The following LRRTM4 variants were observed in gnomAD, a reference collection of about 807,000 sequenced individuals.
LRRTM4 encodes leucine-rich repeat transmembrane neuronal protein 4.
LRRTM4 carries 25 observed loss-of-function variants against 47.6 expected under a neutral mutation model. The observed-to-expected ratio is 0.53, with a 90% CI of 0.38 to 0.73. LRRTM4 has a LOEUF of 0.73. LRRTM4 is among the 30% of genes least tolerant of loss of function. The probability of loss-of-function intolerance (pLI) is 0.00; values close to 1 mark genes in which losing one functional copy is unlikely to be tolerated. For synonymous variants in LRRTM4, 311 were observed against 269.5 expected, an observed-to-expected ratio of 1.15 and a Z score of -1.51; for missense variants, 638 against 713.4, an observed-to-expected ratio of 0.89 and a Z score of 1.20.
intron 3 of LRRTM4, among the ~76,000 whole-genome samples, chr2:76,980,024 C>T (rs1676552055): frequency 6.6e-6 from 1 of 152,094 alleles, no homozygotes; most frequent in Admixed American, 6.6e-5. Context: ...GACCCAAGTT[C>T]AGCCAATCCT....
chr2:77,208,496 G>A (rs1376477631), intron 3 of LRRTM4, among the ~76,000 whole-genome samples: 2 of 152,208 alleles, frequency 1.3e-5, no homozygotes, highest in African/African-American at 4.8e-5. Flanking sequence ...CACTGAGTGA[G>A]AAAAGGGAAG....
chr2:76,966,559 A>C (rs985481789), intron 3 of LRRTM4, among the ~76,000 whole-genome samples: 2 of 151,436 alleles, frequency 1.3e-5, no homozygotes, highest in African/African-American at 4.8e-5. Flanking sequence ...CAAGAAGAAA[A>C]TCCCTCAATT....
intron 3 of LRRTM4, among the ~76,000 whole-genome samples, chr2:77,368,756 G>A (rs1672548061): frequency 6.6e-6 from 1 of 151,778 alleles, no homozygotes; most frequent in African/African-American, 2.4e-5. Context: ...ATAGAGATTA[G>A]GAAGATATCC....
At chr2:77,023,702 C>A (rs1678352896) in intron 3 of LRRTM4, among the ~76,000 whole-genome samples, 1 of 152,182 alleles carries the variant, frequency 6.6e-6, no homozygotes, top group Non-Finnish European at 1.5e-5. Flanking sequence ...AGTTTCTCAT[C>A]TCCATTTGAG....
chr2:77,155,096 T>C (rs992601971), intron 3 of LRRTM4, among the ~76,000 whole-genome samples: 1 of 152,084 alleles, frequency 6.6e-6, no homozygotes, highest in Non-Finnish European at 1.5e-5. Flanking sequence ...CTTAACTACT[T>C]GCTAAGTTTA....
At chr2:77,071,221 G>A (rs1680145129) in intron 3 of LRRTM4, among the ~76,000 whole-genome samples, 1 of 152,210 alleles carries the variant, frequency 6.6e-6, no homozygotes, top group South Asian at 2.1e-4. Context: ...GTCCAATTTA[G>A]ATTCTATACA....
At chr2:77,147,217 C>T (rs757151261) in intron 3 of LRRTM4, among the ~76,000 whole-genome samples, 1 of 152,130 alleles carries the variant, frequency 6.6e-6, no homozygotes, top group Non-Finnish European at 1.5e-5. Flanking sequence ...TAATACAGTA[C>T]AACACTCAAG....
In LRRTM4 at chr2:77,374,386, G is replaced by T. The variant is rs558260493; in HGVS notation, c.1551+143932C>A. Among the ~76,000 whole-genome samples the T allele has an allele frequency of 3.3e-5, 5 of 151,710 alleles. No individual in the cohort carries two copies. The Admixed American group carries it at 3.3e-4, about 10-fold the overall frequency. On this transcript the variant is annotated intron_variant, in intron 3 of 3. Coordinates refer to ENST00000409884, the MANE Select transcript of LRRTM4 (RefSeq NM_001134745.3). ...AAGATGTTAAAAAATGATATCCCAG[G>T]TTCTAACACACAGTACCCATTTCCC... is the stretch of plus-strand genomic sequence containing the variant.
At chr2:76,779,864 C>G (rs900533417) in intron 3 of LRRTM4, among the ~76,000 whole-genome samples, 32 of 152,170 alleles carry the variant, frequency 2.1e-4, no homozygotes, top group African/African-American at 4.6e-4. Flanking sequence ...TCTTGATGGT[C>G]TTTACATTTT....
chr2:77,252,744 C>T lies in LRRTM4; in HGVS notation c.1551+265574G>A, dbSNP rs985813666. Among the ~76,000 whole-genome samples, 7 of 152,038 alleles carry T rather than the reference C, an allele frequency of 4.6e-5. No individual in the cohort carries two copies. The East Asian group carries it at 5.8e-4, about 13-fold the overall frequency. On this transcript the variant is annotated intron_variant, in intron 3 of 3. Transcript: ENST00000409884. The stretch of plus-strand genomic sequence containing the variant: ...GGAAAAGAGTGGTGACTAAGAAAAA[C>T]GTTGCGTGCCTCTGAGATGGGGACA...
chr2:76,819,532 G>A (rs1017677435), intron 3 of LRRTM4, among the ~76,000 whole-genome samples: 2 of 151,850 alleles, frequency 1.3e-5, no homozygotes, highest in Non-Finnish European at 2.9e-5. Context: ...GATAGGTGAA[G>A]TACTTAATAT....
chr2:76,846,894 T>TA (rs1558690299), intron 3 of LRRTM4, among the ~76,000 whole-genome samples: 1 of 149,308 alleles, frequency 6.7e-6, no homozygotes, highest in Admixed American at 6.6e-5. Flanking sequence ...TGTTAGAAAG[T>TA]AAAAAGGTCA....
chr2:76,890,161 C>T (rs372558230), intron 3 of LRRTM4, among the ~76,000 whole-genome samples: 5 of 151,998 alleles, frequency 3.3e-5, no homozygotes, highest in African/African-American at 1.2e-4. Flanking sequence ...GCATAGCAAC[C>T]CAATAATTTT....
intron 3 of LRRTM4, among the ~76,000 whole-genome samples, chr2:77,238,995 C>G (rs1053080746): frequency 2.0e-5 from 3 of 151,548 alleles, no homozygotes; most frequent in African/African-American, 7.3e-5. Context: ...CTACAAGGTA[C>G]CCACAATTTT....
intron 3 of LRRTM4, among the ~76,000 whole-genome samples, chr2:77,007,026 T>C (rs1055533771): frequency 6.6e-6 from 1 of 152,082 alleles, no homozygotes; most frequent in Admixed American, 6.6e-5. Context: ...TTGGCTTTGT[T>C]TTTTGTTTTT....
chr2:76,880,077 A>T (rs73940082), intron 3 of LRRTM4, among the ~76,000 whole-genome samples: 3 of 152,366 alleles, frequency 2.0e-5, no homozygotes, highest in African/African-American at 7.2e-5. Context: ...AGATGCTGTT[A>T]TAATTATTGA....
At chr2:76,935,991 G>C (rs766467496) in intron 3 of LRRTM4, among the ~76,000 whole-genome samples, 1 of 152,160 alleles carries the variant, frequency 6.6e-6, no homozygotes, top group Non-Finnish European at 1.5e-5. Flanking sequence ...ACTGTTGGTG[G>C]AAGTGTAAAT....
intron 3 of LRRTM4, among the ~76,000 whole-genome samples, chr2:77,111,281 C>CTGT (rs1671240511): frequency 1.0e-5 from 1 of 97,546 alleles, no homozygotes; most frequent in African/African-American, 5.5e-5. Context: ...CCACACCTGG[C>CTGT]TATTTTTTTT....
chr2:76,957,826 A>C (rs1338910433), intron 3 of LRRTM4, among the ~76,000 whole-genome samples: 2 of 151,718 alleles, frequency 1.3e-5, no homozygotes, highest in Non-Finnish European at 1.5e-5. Flanking sequence ...CTCACTTCTC[A>C]AAACATATGT....
Sources: allele counts gnomAD v4.1 joint callset (sites outside exome capture counted in the v4.1 genomes callset), GRCh38; gene constraint gnomAD v4.1.1; transcripts MANE v1.5; gene names NCBI Gene and HGNC (gene_info 2026-07-23, HGNC 2026-07-21).